The following ANKS1B variants were observed in gnomAD, a reference collection of about 807,000 sequenced individuals.
ANKS1B encodes ankyrin repeat and sterile alpha motif domain containing 1B.
A neutral mutation model predicts 148.3 loss-of-function variants in ANKS1B; 36 were observed. The ratio of observed to expected loss-of-function variants is 0.24; its 90% CI spans 0.19 to 0.32. ANKS1B has a LOEUF of 0.32. Among genes scored for constraint, ANKS1B ranks in the 10% least tolerant of loss-of-function variants. ANKS1B has a pLI of 1.00. For synonymous variants in ANKS1B, 542 were observed against 560.8 expected, an observed-to-expected ratio of 0.97 and a Z score of 0.47; for missense variants, 1,157 against 1,542.6, an observed-to-expected ratio of 0.75 and a Z score of 4.19.
chr12:99,104,545 T>C (rs983399705), intron 15 of ANKS1B: 1 of 152,218 alleles, frequency 6.6e-6, no homozygotes, highest in African/African-American at 2.4e-5. Context: ...GATCATCCTA[T>C]GAGCCCATAT....
intron 17 of ANKS1B, among the ~76,000 whole-genome samples, chr12:98,975,335 T>G (rs2099892799): frequency 6.7e-6 from 1 of 149,516 alleles, no homozygotes; most frequent in South Asian, 2.2e-4. Context: ...CTTCTTTCCT[T>G]TCCTTTCTCC....
chr12:99,874,971 G>A (rs1254682668), intron 1 of ANKS1B, among the ~76,000 whole-genome samples: 1 of 152,132 alleles, frequency 6.6e-6, no homozygotes, highest in Non-Finnish European at 1.5e-5. Context: ...ATACATTCCT[G>A]CTTCATCACT....
intron 19 of ANKS1B, among the ~76,000 whole-genome samples, chr12:98,825,738 G>C (rs557731393): frequency 1.3e-5 from 2 of 152,078 alleles, no homozygotes; most frequent in African/African-American, 4.8e-5. Flanking sequence ...CATTTTAAGG[G>C]TACTTCGACT....
In ANKS1B at chr12:99,882,066, A is replaced by C. The variant is rs183146091; in HGVS notation, c.135-56677T>G. On this transcript the variant is annotated intron_variant, in intron 1 of 26. Transcript: ENST00000683438. ...ATAAATAGAAAGTTTCAGCAAGGAA[A>C]TAGAAGACGTGAAGAAGAACCAAAT... is the stretch of plus-strand genomic sequence containing the variant. Among the ~76,000 whole-genome samples, 218 of 152,346 alleles carry C rather than the reference A, an allele frequency of 1.4e-3. 1 individual carries two copies. Among genetic ancestry groups the C allele is most frequent in the African/African-American group, 5.1e-3 (212 of 41,584 alleles).
chr12:99,212,409 A>C (rs1298253908), intron 14 of ANKS1B, among the ~76,000 whole-genome samples: 1 of 151,828 alleles, frequency 6.6e-6, no homozygotes, highest in African/African-American at 2.4e-5. Context: ...ATCAAATTCC[A>C]ACAGCTGACT....
At chr12:99,066,904 T>C (rs563818858) in intron 16 of ANKS1B, among the ~76,000 whole-genome samples, 19 of 152,304 alleles carry the variant, frequency 1.2e-4, no homozygotes, top group African/African-American at 4.1e-4. Flanking sequence ...GTTCATCGTG[T>C]GTGGGAACAT....
chr12:99,197,758 T>C (rs1169281736), intron 14 of ANKS1B, among the ~76,000 whole-genome samples: 1 of 152,188 alleles, frequency 6.6e-6, no homozygotes, highest in Non-Finnish European at 1.5e-5. Flanking sequence ...TGGATTTTTT[T>C]TGAAAGCCTA....
chr12:99,370,187 C>T (rs914251947), intron 12 of ANKS1B, among the ~76,000 whole-genome samples: 1 of 151,974 alleles, frequency 6.6e-6, no homozygotes, highest in African/African-American at 2.4e-5. Flanking sequence ...CCTTCTAGGG[C>T]CAAAAAGGCA....
intron 22 of ANKS1B, among the ~76,000 whole-genome samples, chr12:98,792,546 T>C (rs573337062): frequency 6.6e-6 from 1 of 152,294 alleles, no homozygotes; most frequent in Non-Finnish European, 1.5e-5. Context: ...CCAGAACTTA[T>C]TTTTCCTACC....
intron 17 of ANKS1B, among the ~76,000 whole-genome samples, chr12:98,957,537 G>T (rs559461400): frequency 2.0e-5 from 3 of 151,650 alleles, no homozygotes; most frequent in Non-Finnish European, 4.4e-5. Flanking sequence ...TAGTAGAGAC[G>T]GGTTTTCACC....
chr12:98,815,515 T>G (rs2099132213), intron 19 of ANKS1B, among the ~76,000 whole-genome samples: 1 of 152,324 alleles, frequency 6.6e-6, no homozygotes. Context: ...CAGCCCAGAC[T>G]TCTTCCCTAA....
intron 17 of ANKS1B, among the ~76,000 whole-genome samples, chr12:98,867,552 T>C (rs11109636): frequency 0.15 from 22,288 of 152,126 alleles, 2,579 homozygotes; most frequent in African/African-American, 0.31. Flanking sequence ...TTAGAACAAA[T>C]TATGTCTTTT....
intron 17 of ANKS1B, among the ~76,000 whole-genome samples, chr12:98,854,413 T>C (rs1298143596): frequency 1.3e-5 from 2 of 152,218 alleles, no homozygotes; most frequent in African/African-American, 2.4e-5. Context: ...GTAGATGATA[T>C]TTAGTAATAT....
chr12:99,804,469 T>C (rs1158276192), intron 4 of ANKS1B, among the ~76,000 whole-genome samples: 1 of 152,132 alleles, frequency 6.6e-6, no homozygotes, highest in Admixed American at 6.6e-5. Context: ...AACTACTAAA[T>C]AATGCAGGCA....
intron 9 of ANKS1B, among the ~76,000 whole-genome samples, chr12:99,507,586 AT>A (rs977449093): frequency 5.9e-5 from 9 of 151,826 alleles, no homozygotes; most frequent in Non-Finnish European, 1.3e-4. Flanking sequence ...ATTTTAAACA[AT>A]AATGAAGTAC....
At chr12:99,330,608 G>A (rs2087323547) in intron 12 of ANKS1B, among the ~76,000 whole-genome samples, 1 of 152,080 alleles carries the variant, frequency 6.6e-6, no homozygotes, top group East Asian at 1.9e-4. Flanking sequence ...ATTTTTAATG[G>A]CTGCAGGTGT....
At chr12:99,484,743 C>T (rs975537196) in intron 10 of ANKS1B, among the ~76,000 whole-genome samples, 4 of 145,670 alleles carry the variant, frequency 2.7e-5, no homozygotes, top group African/African-American at 5.1e-5. Context: ...ATATAGTGAC[C>T]GTCTTTGTGT....
chr12:99,291,213 C>T (rs564825718), intron 12 of ANKS1B, among the ~76,000 whole-genome samples: 42 of 152,094 alleles, frequency 2.8e-4, no homozygotes, highest in Admixed American at 7.2e-4. Flanking sequence ...CTGTAAAACA[C>T]TGATGCAAGA....
chr12:98,750,182 T>G (rs1221777116), intron 26 of ANKS1B, among the ~76,000 whole-genome samples: 1 of 151,958 alleles, frequency 6.6e-6, no homozygotes, highest in Non-Finnish European at 1.5e-5. Context: ...GCCAGTGTGT[T>G]GGGTTGGGTC....
Sources: gnomAD v4.1 joint callset for allele counts (sites outside exome capture counted in the v4.1 genomes callset) on GRCh38, gnomAD v4.1.1 for gene constraint, MANE v1.5 for transcripts, NCBI Gene and HGNC (gene_info 2026-07-23, HGNC 2026-07-21) for gene names.